Variants in SNRPN observed in about 807,000 individuals in gnomAD.
SNRPN encodes small nuclear ribonucleoprotein polypeptide N, also known as small nuclear ribonucleoprotein-associated protein N.
Under a neutral mutation model 25.2 loss-of-function variants are expected in SNRPN, and 7 were observed. The observed-to-expected ratio is 0.28, with a 90% CI of 0.16 to 0.52. The LOEUF (loss-of-function observed/expected upper bound fraction) is 0.52. Ranked by LOEUF, SNRPN falls within the 20% of genes least tolerant of loss-of-function variation. SNRPN has a pLI of 0.96. For synonymous variants in SNRPN, 124 were observed against 110.6 expected (o/e 1.12, Z -0.76); for missense variants, 196 against 322.5 (o/e 0.61, Z 3.00).
rs144541107 is a variant in SNRPN, at chr15:24,863,447, A to T, written c.-579+6731A>T. Reference sequence around the variant, plus strand: ...GCCTTGTAGGCCACTGTCTCCATGGACATACAGATTTGCACGCATCTGTGT... The same window carrying T: ...GCCTTGTAGGCCACTGTCTCCATGGTCATACAGATTTGCACGCATCTGTGT... On this transcript the variant is annotated intron_variant, in intron 1 of 11. Transcript: ENST00000400097. 8.8e-3 allele frequency among the ~76,000 whole-genome samples: 1,308 copies of T among 149,478 alleles called. 24 individuals are homozygous for T. The highest frequency in any genetic ancestry group is 0.012 in the Non-Finnish European group (832 of 67,862).
At chr15:24,842,139 C>G (rs764961103) in intron 2 of SNRPN, among the ~76,000 whole-genome samples, 1 of 152,132 alleles carries the variant, frequency 6.6e-6, no homozygotes, top group African/African-American at 2.4e-5. Flanking sequence ...GCCCCTCCCA[C>G]TTTGCCAGAA....
Position 24,893,346 on chromosome 15 carries a change from G to A in SNRPN, c.-505+6757G>A, listed in dbSNP as rs138841556. Reference sequence around the variant, plus strand: ...AAAAAATCCTTTCAGGCTGGGTGCCGTGGCTCATGCCTGTAATCCCAGCAC... The same window carrying A: ...AAAAAATCCTTTCAGGCTGGGTGCCATGGCTCATGCCTGTAATCCCAGCAC... On this transcript the variant is annotated intron_variant, in intron 2 of 11. Coordinates refer to the SNRPN transcript ENST00000400097. 6.2e-3 allele frequency among the ~76,000 whole-genome samples: 940 copies of A among 152,262 alleles called. 10 individuals carry two copies. The highest frequency in any genetic ancestry group is 0.021 in the African/African-American group (892 of 41,536).
At chr15:24,842,650 A>C (rs1006814058) in intron 2 of SNRPN, among the ~76,000 whole-genome samples, 1 of 152,178 alleles carries the variant, frequency 6.6e-6, no homozygotes, top group African/African-American at 2.4e-5. Context: ...TCTCCTGGAC[A>C]GTCCCTCCCT....
intron 2 of SNRPN, among the ~76,000 whole-genome samples, chr15:24,888,536 G>A (rs574693835): frequency 6.6e-6 from 1 of 152,050 alleles, no homozygotes. Context: ...TTTTTTCAGC[G>A]TGTAAGAATG....
At chr15:24,918,312 ATATATATATATAACATAATATATATGTG>A (rs2059661943) in intron 2 of SNRPN, among the ~76,000 whole-genome samples, 1 of 120,968 alleles carries the variant, frequency 8.3e-6, no homozygotes, top group Non-Finnish European at 1.8e-5. Flanking sequence ...ATATGCAAAC[ATATATATATATAACATAATATATATGTG>A]TATATATATA....
intron 3 of SNRPN, among the ~76,000 whole-genome samples, chr15:24,938,403 C>T (rs1162808337): frequency 6.6e-6 from 1 of 152,180 alleles, no homozygotes; most frequent in Non-Finnish European, 1.5e-5. Flanking sequence ...GCTGGTATTA[C>T]AGGTGTGAGC....
At position 24,927,475 on chromosome 15, in the gene SNRPN, AATTTTTTTTTTTTTTTTTTTTTTTTTTTT is replaced by A. The variant is rs1380782030; in HGVS notation, c.-391+7352_-391+7380del. Among the ~76,000 whole-genome samples, 100 of 113,310 alleles carry A rather than the reference AATTTTTTTTTTTTTTTTTTTTTTTTTTTT, an allele frequency of 8.8e-4. 1 individual carries two copies. The highest frequency in any genetic ancestry group is 2.3e-3 in the South Asian group (8 of 3,438). The allele number at this position is 113,310 out of a possible 152,430, so 74.3% of individuals were successfully genotyped here. ...TTTCCCACTGCTTATAAAGTTTTTA[AATTTTTTTTTTTTTTTTTTTTTTTTTTTT>A]TTTTTTTTTTTTTTACTTTTGACCA... On this transcript the variant is annotated intron_variant, in intron 3 of 11. Transcript: ENST00000400097.
At chr15:24,857,484 A>G (rs1423507416) in intron 1 of SNRPN, among the ~76,000 whole-genome samples, 1 of 152,148 alleles carries the variant, frequency 6.6e-6, no homozygotes, top group African/African-American at 2.4e-5. Context: ...CAGGTAGCAT[A>G]TAGTTTTATA....
chr15:24,957,207 C>T (rs923865214), intron 1 of SNRPN, among the ~76,000 whole-genome samples: 3 of 152,090 alleles, frequency 2.0e-5, no homozygotes, highest in African/African-American at 7.2e-5. Context: ...GCATACTTTC[C>T]TTAAATGGGT....
chr15:24,924,681 G>A (rs1396071960), intron 3 of SNRPN, among the ~76,000 whole-genome samples: 1 of 151,428 alleles, frequency 6.6e-6, no homozygotes, highest in Non-Finnish European at 1.5e-5. Context: ...CAGAGACAGA[G>A]TCTCACCATG....
rs1566807559 is a variant in SNRPN, at chr15:24,835,093, T to TATATATAGTATATGTATCTATATATAAA, written c.-579+5191_-579+5192insTATAGTATATGTATCTATATATAAAATA. ...AGTATATATATCTATATATAAAATA[T>TATATATAGTATATGTATCTATATATAAA]ATAGATATATATACTATATATCTAT... On this transcript the variant is annotated intron_variant, in intron 2 of 12. Transcript: ENST00000400100. Among the ~76,000 whole-genome samples the TATATATAGTATATGTATCTATATATAAA allele has an allele frequency of 2.8e-4, 3 of 10,894 alleles. 1 individual carries two copies. The highest frequency in any genetic ancestry group is 0.048 in the East Asian group (2 of 42). 7.1% of individuals were successfully genotyped at this position (10,894 alleles called of 152,430 possible).
At chr15:24,885,337 C>T (rs1322809802) in intron 1 of SNRPN, among the ~76,000 whole-genome samples, 1 of 152,136 alleles carries the variant, frequency 6.6e-6, no homozygotes, top group Non-Finnish European at 1.5e-5. Context: ...TACTTTGGCT[C>T]TAACCAGCTC....
chr15:24,882,187 G>T (rs1566865668), intron 1 of SNRPN, among the ~76,000 whole-genome samples: 1 of 151,856 alleles, frequency 6.6e-6, no homozygotes, highest in East Asian at 1.9e-4. Context: ...TCATTTGTTT[G>T]TTTTTTCCAG....
At chr15:24,963,557 A>G (rs1346290286) in intron 2 of SNRPN, among the ~76,000 whole-genome samples, 1 of 151,488 alleles carries the variant, frequency 6.6e-6, no homozygotes, top group East Asian at 1.9e-4. Context: ...GGAGGTTGCA[A>G]TGAGCTAAGA....
At chr15:24,930,463 C>T (rs1277287373) in intron 3 of SNRPN, among the ~76,000 whole-genome samples, 1 of 151,388 alleles carries the variant, frequency 6.6e-6, no homozygotes, top group African/African-American at 2.4e-5. Flanking sequence ...TATTAGAACT[C>T]AGCTTTGCTG....
intron 3 of SNRPN, among the ~76,000 whole-genome samples, chr15:24,928,515 G>A (rs2060570433): frequency 6.6e-6 from 1 of 152,072 alleles, no homozygotes; most frequent in Admixed American, 6.6e-5. Context: ...CCTCATAGAA[G>A]TAGAGAGTAG....
At chr15:24,926,846 A>G (rs954725160) in intron 3 of SNRPN, among the ~76,000 whole-genome samples, 3 of 151,818 alleles carry the variant, frequency 2.0e-5, no homozygotes, top group Non-Finnish European at 4.4e-5. Context: ...CTCTACAGAA[A>G]AAAAAAATGT....
rs2055703703 is a variant in SNRPN, at chr15:24,874,955, C to T, written c.-578-11561C>T. Among the ~76,000 whole-genome samples the T allele has an allele frequency of 4.6e-5, 7 of 151,938 alleles. No homozygotes were observed. The South Asian group carries it at 1.5e-3, about 32-fold the overall frequency. ...CATAGAAGTGATATAAGACTAATAC[C>T]TGCATTTATAGTAGTTGAAAGTTTT... On this transcript the variant is annotated intron_variant, in intron 1 of 11. Coordinates refer to the SNRPN transcript ENST00000400097.
intron 1 of SNRPN, among the ~76,000 whole-genome samples, chr15:24,876,213 T>A (rs2055856262): frequency 6.6e-6 from 1 of 152,132 alleles, no homozygotes; most frequent in African/African-American, 2.4e-5. Flanking sequence ...TTGTGTACAT[T>A]TTTTTTCCTT....
Sources: gnomAD v4.1 joint callset for allele counts (sites outside exome capture counted in the v4.1 genomes callset) on GRCh38, gnomAD v4.1.1 for gene constraint, MANE v1.5 for transcripts, NCBI Gene and HGNC (gene_info 2026-07-23, HGNC 2026-07-21) for gene names.